Variants in MTOR observed in about 807,000 individuals in gnomAD.
MTOR encodes mechanistic target of rapamycin kinase, also known as serine/threonine-protein kinase mTOR.
In MTOR, 70 loss-of-function variants were observed where a neutral mutation model predicts 319.8. The observed-to-expected ratio is 0.22, with a 90% confidence interval of 0.18 to 0.27. The LOEUF is 0.27. Ranked by LOEUF, MTOR falls within the 10% of genes least tolerant of loss-of-function variation. MTOR has a pLI of 1.00. For synonymous variants in MTOR, 1,183 were observed against 1,211.4 expected (o/e 0.98, Z 0.49); for missense variants, 1,890 against 3,274.4 (o/e 0.58, Z 10.32).
At chr1:11,178,359 G>A (rs17036458) in intron 28 of MTOR, among the ~76,000 whole-genome samples, 7,793 of 152,224 alleles carry the variant, frequency 0.051, 272 homozygotes, top group South Asian at 0.12. Flanking sequence ...ACCCCAGAAT[G>A]TCAAAGCACA....
In MTOR at chr1:11,212,774, G is replaced by T; in HGVS notation, c.3398+22C>A. On this transcript the variant is annotated intron_variant, in intron 22 of 57. Transcript: ENST00000361445. The surrounding 1 kb of genome is among the most constrained non-coding windows in gnomAD (Gnocchi z 4.1). The stretch of plus-strand genomic sequence containing the variant: ...AAACATTAAAGCTTAAAGATTGCTA[G>T]TCCCAAAGAGGAGGTGCTCACTTTC... 1 of 1,556,530 alleles carries T rather than the reference G, an allele frequency of 6.4e-7. No homozygotes were observed. The highest frequency in any genetic ancestry group is 8.9e-7 in the Non-Finnish European group (1 of 1,127,860).
At chr1:11,205,084 C>T (rs1374267401) in intron 25 of MTOR, among the ~76,000 whole-genome samples, 1 of 152,152 alleles carries the variant, frequency 6.6e-6, no homozygotes, top group African/African-American at 2.4e-5. Flanking sequence ...AAGAGTCACG[C>T]AAGAAGAGGG....
At chr1:11,134,611 A>C in intron 36 of MTOR, 145 bp from the exon 37 acceptor site, 1 of 631,426 alleles carries the variant, frequency 1.6e-6, no homozygotes, top group Non-Finnish European at 2.8e-6. Flanking sequence ...CATAGGACAG[A>C]GGACCAGGGC....
At chr1:11,190,829 T>C (rs1360323452) in intron 28 of MTOR, among the ~76,000 whole-genome samples, 1 of 152,202 alleles carries the variant, frequency 6.6e-6, no homozygotes, top group Non-Finnish European at 1.5e-5. Flanking sequence ...TTGGTCCCAT[T>C]ATAAACTACA....
intron 47 of MTOR, among the ~76,000 whole-genome samples, chr1:11,123,134 C>T (rs1642630557): frequency 6.6e-6 from 1 of 152,154 alleles, no homozygotes; most frequent in Non-Finnish European, 1.5e-5. Flanking sequence ...CAAATTGCTC[C>T]CTGCTGGATT....
chr1:11,155,129 C>T (rs1571013622), intron 30 of MTOR, among the ~76,000 whole-genome samples: 1 of 152,238 alleles, frequency 6.6e-6, no homozygotes, highest in East Asian at 1.9e-4. Context: ...TATTCTTAAA[C>T]TTTCCAAGGC....
At chr1:11,167,545 A>G (rs1271590200) in intron 28 of MTOR, 28 bp from the exon 29 acceptor site, 1 of 1,589,542 alleles carries the variant, frequency 6.3e-7, no homozygotes, top group East Asian at 2.2e-5. Flanking sequence ...AAAGGTAGTT[A>G]CACTCAACAG....
rs138156757 is a variant in MTOR, at chr1:11,241,668, T to C, written c.1426A>G (p.Met476Val). The C allele has an allele frequency of 3.0e-5, 48 of 1,613,236 alleles. No homozygotes were observed. Among genetic ancestry groups the C allele is most frequent in the Non-Finnish European group, 1.3e-5 (15 of 1,179,410 alleles). Residue 476 changes from methionine (M) to valine (V), a missense_variant, in exon 10 of 58, where the codon ATG becomes GTG. Transcript: ENST00000361445. Reference protein sequence around the residue: ...KDFAHKRQKAMQVDATVFTCI... With the variant: ...KDFAHKRQKAVQVDATVFTCI... The stretch of plus-strand genomic sequence containing the variant: ...GTGAAGACTGTGGCATCCACCTGCA[T>C]TGCCTTCTGCCTCCTGTAGAGAAAT...
intron 26 of MTOR, among the ~76,000 whole-genome samples, chr1:11,201,849 T>C (rs1645979459): frequency 6.6e-6 from 1 of 152,232 alleles, no homozygotes; most frequent in African/African-American, 2.4e-5. Flanking sequence ...CTCTGCCATC[T>C]AGGCTGGAAT....
In MTOR at chr1:11,183,852, T is replaced by G. The variant is rs558888309; in HGVS notation, c.4253+15406A>C. Among the ~76,000 whole-genome samples the G allele has an allele frequency of 6.6e-5, 10 of 152,350 alleles. 1 individual carries two copies. The highest frequency in any genetic ancestry group is 2.4e-4 in the African/African-American group (10 of 41,576). ...AAATTTTCTTCCCCCATAAGGCTAC[T>G]GAGCTGACTTAGCAGTCCTTTCCTC... On this transcript the variant is annotated intron_variant, in intron 28 of 57. Transcript: ENST00000361445.
At chr1:11,230,583 T>C (rs2300088) in intron 18 of MTOR, among the ~76,000 whole-genome samples, 4,792 of 152,170 alleles carry the variant, frequency 0.031, 198 homozygotes, top group African/African-American at 0.074. Flanking sequence ...GTAGATACCA[T>C]GGGAATGAGA....
chr1:11,247,558 T>G (rs1268573096), intron 8 of MTOR, 67 bp downstream of exon 8: 20 of 1,441,604 alleles, frequency 1.4e-5, no homozygotes, highest in Non-Finnish European at 1.7e-5. Context: ...ATATTTGGCT[T>G]TTCTGGAATC....
At chr1:11,206,455 C>G (rs61773701) in intron 25 of MTOR, among the ~76,000 whole-genome samples, 1 of 152,134 alleles carries the variant, frequency 6.6e-6, no homozygotes. Context: ...CAGTGCCTCA[C>G]GGTCCACATC....
chr1:11,134,989 G>A (rs1010046596), intron 36 of MTOR, among the ~76,000 whole-genome samples: 2 of 152,244 alleles, frequency 1.3e-5, no homozygotes, highest in Non-Finnish European at 2.9e-5. Context: ...ACAGGGAATA[G>A]GGAGAAGATA....
chr1:11,236,741 C>T (rs1329663292), intron 13 of MTOR, among the ~76,000 whole-genome samples: 2 of 151,738 alleles, frequency 1.3e-5, no homozygotes, highest in Non-Finnish European at 2.9e-5. Context: ...GAACTCCTGA[C>T]CCCAGGTGAT....
At chr1:11,209,255 G>C in intron 25 of MTOR, 57 bp downstream of exon 25, 1 of 1,606,750 alleles carries the variant, frequency 6.2e-7, no homozygotes, top group Non-Finnish European at 8.5e-7. Flanking sequence ...TAAAAGTTTT[G>C]AGTAAGTGAG....
In MTOR at chr1:11,257,807, G is replaced by T. The variant is rs74874661; in HGVS notation, c.272-642C>A. 4.6e-5 allele frequency among the ~76,000 whole-genome samples: 7 copies of T among 152,132 alleles called. No individual in the cohort carries two copies. In the East Asian group the frequency reaches 1.4e-3, roughly 29 times the overall value. Reference sequence around the variant, plus strand: ...TCACAGGACTGATGACCAGTCCTTAGAAGTTAAAAATGACCTGCCTGGCCA... The same window carrying T: ...TCACAGGACTGATGACCAGTCCTTATAAGTTAAAAATGACCTGCCTGGCCA... On this transcript the variant is annotated intron_variant, in intron 3 of 57. Transcript: ENST00000361445.
At chr1:11,232,946 T>A in intron 15 of MTOR, 1 of 758,266 alleles carries the variant, frequency 1.3e-6, no homozygotes, top group Non-Finnish European at 2.4e-6. Context: ...GGTGTGTGCC[T>A]GACTCTGATT....
chr1:11,232,903 A>T lies in MTOR; in HGVS notation c.2422-375T>A, dbSNP rs556882745. The T allele has an allele frequency of 2.1e-4, 129 of 608,522 alleles. 1 individual carries two copies. Among genetic ancestry groups the T allele is most frequent in the East Asian group, 1.7e-3 (60 of 36,354 alleles). 37.7% of individuals were successfully genotyped at this position (608,522 alleles called of 1,614,324 possible). The stretch of plus-strand genomic sequence containing the variant: ...ATAAATAAAATAAAAAATTTTTTTT[A>T]AAAAAGCCCTCTCTTCCTTTCTCCA... On this transcript the variant is annotated intron_variant, in intron 15 of 57. Coordinates refer to ENST00000361445, the MANE Select transcript of MTOR (RefSeq NM_004958.4).
Sources: allele counts gnomAD v4.1 joint callset (sites outside exome capture counted in the v4.1 genomes callset), GRCh38; gene constraint gnomAD v4.1.1; non-coding constraint Gnocchi (gnomAD v3.1); transcripts MANE v1.5; gene names NCBI Gene and HGNC (gene_info 2026-07-23, HGNC 2026-07-21).